The following ELAVL4 variants were observed in gnomAD, a reference collection of about 807,000 sequenced individuals.
ELAVL4 encodes ELAV-like protein 4.
A neutral mutation model predicts 35.6 loss-of-function variants in ELAVL4; 1 was observed. That is an observed-to-expected ratio of 0.03 (90% CI 0.01 to 0.13). ELAVL4 has a LOEUF of 0.13. Ranked by LOEUF, ELAVL4 falls within the 10% of genes least tolerant of loss-of-function variation. ELAVL4 has a pLI of 1.00. For missense variants in ELAVL4, 267 were observed against 464.9 expected (o/e 0.57, Z 3.91); for synonymous variants, 156 against 171.0 (o/e 0.91, Z 0.69).
intron 1 of ELAVL4, among the ~76,000 whole-genome samples, chr1:50,060,504 C>T (rs1471500649): frequency 6.6e-6 from 1 of 152,204 alleles, no homozygotes; most frequent in Non-Finnish European, 1.5e-5. Flanking sequence ...AGAGTCACAA[C>T]TTGGCTCAGG....
chr1:50,138,690 TC>T (rs1468117318), intron 1 of ELAVL4, among the ~76,000 whole-genome samples: 1 of 152,120 alleles, frequency 6.6e-6, no homozygotes. Context: ...GGTCTCAAAC[TC>T]CTGATCTCAG....
intron 2 of ELAVL4, among the ~76,000 whole-genome samples, chr1:50,148,585 C>T (rs1674157821): frequency 6.6e-6 from 1 of 152,126 alleles, no homozygotes; most frequent in African/African-American, 2.4e-5. Context: ...CCAGAATAAT[C>T]CAGGTACCAG....
At chr1:50,095,835 C>A (rs1665696430) in intron 1 of ELAVL4, among the ~76,000 whole-genome samples, 1 of 152,134 alleles carries the variant, frequency 6.6e-6, no homozygotes, top group Admixed American at 6.5e-5. Context: ...CAGAGCATCC[C>A]CATCTCTATC....
upstream of ELAVL4, chr1:50,104,108 A>G: frequency 2.5e-6 from 3 of 1,189,020 alleles, no homozygotes; most frequent in Non-Finnish European, 3.7e-6. Context: ...GTCCTTAAAA[A>G]CCCGCTTCAT....
At chr1:50,102,492 GTACCTTCT>G (rs1351289067), upstream of ELAVL4, among the ~76,000 whole-genome samples, 1 of 148,806 alleles carries the variant, frequency 6.7e-6, no homozygotes, top group Non-Finnish European at 1.5e-5. Flanking sequence ...TTCCATGGAT[GTACCTTCT>G]TTGCCTTTTA....
At chr1:50,053,405 G>A (rs947407271) in intron 1 of ELAVL4, among the ~76,000 whole-genome samples, 4 of 152,292 alleles carry the variant, frequency 2.6e-5, no homozygotes, top group African/African-American at 9.6e-5. Flanking sequence ...CTGGAGTGTA[G>A]TGGCATGGTC....
intron 1 of ELAVL4, among the ~76,000 whole-genome samples, chr1:50,063,224 A>G (rs1664089399): frequency 6.6e-6 from 1 of 152,190 alleles, no homozygotes; most frequent in South Asian, 2.1e-4. Context: ...GAAATAATGC[A>G]TATTATTAAT....
chr1:50,144,084 C>G (rs1298036882), intron 1 of ELAVL4, among the ~76,000 whole-genome samples: 1 of 152,164 alleles, frequency 6.6e-6, no homozygotes, highest in Non-Finnish European at 1.5e-5. Flanking sequence ...CTGCCCTATA[C>G]CAGCTGTTTA....
chr1:50,086,535 A>C (rs1665253111), intron 1 of ELAVL4, among the ~76,000 whole-genome samples: 1 of 151,418 alleles, frequency 6.6e-6, no homozygotes, highest in Non-Finnish European at 1.5e-5. Context: ...TAGTATGCGG[A>C]GGAACCCTTT....
At chr1:50,111,138 T>C (rs536870690) in intron 1 of ELAVL4, among the ~76,000 whole-genome samples, 6 of 151,500 alleles carry the variant, frequency 4.0e-5, no homozygotes, top group African/African-American at 1.5e-4. Context: ...TTTTTGTGTG[T>C]GTGTGCGTGT....
intron 1 of ELAVL4, among the ~76,000 whole-genome samples, chr1:50,049,576 A>G (rs909506371): frequency 6.6e-6 from 1 of 152,226 alleles, no homozygotes; most frequent in African/African-American, 2.4e-5. Flanking sequence ...TTGCTTCCTT[A>G]ATAAAGTGAC....
chr1:50,064,603 C>A (rs1332469275), intron 1 of ELAVL4, among the ~76,000 whole-genome samples: 1 of 152,124 alleles, frequency 6.6e-6, no homozygotes, highest in Non-Finnish European at 1.5e-5. Context: ...TAAATAGTCA[C>A]CACATGAATA....
chr1:50,168,069 G>A (rs775629403), intron 2 of ELAVL4, among the ~76,000 whole-genome samples: 63 of 152,274 alleles, frequency 4.1e-4, no homozygotes, highest in Admixed American at 6.5e-4. Flanking sequence ...TGTCCTTCAG[G>A]GATGTCCTAG....
chr1:50,078,361 G>A (rs1212933582), intron 1 of ELAVL4, among the ~76,000 whole-genome samples: 2 of 151,978 alleles, frequency 1.3e-5, no homozygotes, highest in Admixed American at 6.6e-5. Context: ...TAAAATCCAG[G>A]AATTTCCAAA....
upstream of ELAVL4, chr1:50,108,879 G>A: frequency 9.6e-7 from 1 of 1,040,596 alleles, no homozygotes; most frequent in Non-Finnish European, 1.2e-6. Flanking sequence ...GGCTTCGGCT[G>A]ACAGATGGTC....
chr1:50,128,580 A>G (rs917953158), intron 1 of ELAVL4, among the ~76,000 whole-genome samples: 9 of 152,238 alleles, frequency 5.9e-5, no homozygotes, highest in Admixed American at 2.6e-4. Flanking sequence ...GAGAGTTTCA[A>G]TGCTATGTGG....
chr1:50,095,250 A>G (rs1009898688), intron 1 of ELAVL4, among the ~76,000 whole-genome samples: 5 of 152,164 alleles, frequency 3.3e-5, no homozygotes, highest in Admixed American at 6.5e-5. Context: ...TATTATTTAT[A>G]CTAGACTAGA....
intron 1 of ELAVL4, chr1:50,109,967 A>G (rs1305966729): frequency 1.2e-6 from 2 of 1,612,054 alleles, no homozygotes; most frequent in South Asian, 2.2e-5. Context: ...TGAAGATGGT[A>G]AGTGAAAAGA....
intron 1 of ELAVL4, among the ~76,000 whole-genome samples, chr1:50,081,668 A>G (rs1040408087): frequency 4.6e-5 from 7 of 152,128 alleles, no homozygotes; most frequent in African/African-American, 1.7e-4. Context: ...CAACTTTCTT[A>G]TTTTATTTTG....
Sources: gnomAD v4.1 joint callset for allele counts (sites outside exome capture counted in the v4.1 genomes callset) on GRCh38, gnomAD v4.1.1 for gene constraint, MANE v1.5 for transcripts, NCBI Gene and HGNC (gene_info 2026-07-23, HGNC 2026-07-21) for gene names.